TEDC1: variants seen among roughly 807,000 people sequenced by gnomAD.
TEDC1 encodes tubulin epsilon and delta complex 1.
TEDC1 carries 54 observed loss-of-function variants against 59.9 expected under a neutral mutation model. The observed-to-expected ratio is 0.90, with a 90% confidence interval of 0.72 to 1.13. The LOEUF is 1.13. TEDC1 is among the 50% of genes most tolerant of loss of function. The probability of loss-of-function intolerance (pLI) is 0.00; values close to 1 mark genes in which losing one functional copy is unlikely to be tolerated. For missense variants in TEDC1, 734 were observed against 683.4 expected, an observed-to-expected ratio of 1.07 and a Z score of -0.83; for synonymous variants, 353 against 298.1, an observed-to-expected ratio of 1.18 and a Z score of -1.90.
upstream of TEDC1, chr14:105,490,835 G>C (rs1555439065): frequency 1.1e-5 from 7 of 644,316 alleles, no homozygotes; most frequent in Non-Finnish European, 1.1e-5. Context: ...GGCGCCTTCC[G>C]GAGTCTGCGC....
chr14:105,492,876 C>G, intron 4 of TEDC1, 142 bp downstream of exon 4: 1 of 1,243,422 alleles, frequency 8.0e-7, no homozygotes, highest in Non-Finnish European at 1.1e-6. Context: ...TTACCCAAAG[C>G]CTGAGCCCGT....
rs1555439183 is a variant in TEDC1, at chr14:105,491,304, C to T, written c.-72C>T. On this transcript the variant is annotated 5_prime_UTR_variant, in exon 1 of 9. Coordinates refer to ENST00000392523, the MANE Select transcript of TEDC1 (RefSeq NM_001367178.1). ...CCCAGCCGCCGCACTAAACCCGGCC[C>T]GTGCGGTGATTGGACGCAGGCCCCG... 1.4e-5 allele frequency: 21 copies of T among 1,492,304 alleles called. No homozygotes were observed. The South Asian group carries it at 1.9e-4, about 14-fold the overall frequency. 92.4% of individuals were successfully genotyped at this position (1,492,304 alleles called of 1,614,324 possible).
Position 105,498,897 on chromosome 14 carries a change from T to G in TEDC1, c.1439T>G (p.Leu480Arg). Residue 480 changes from leucine to arginine, a missense_variant, in exon 9 of 9, where the codon CTG becomes CGG. By Grantham distance (102) the Leu-to-Arg change is moderately radical. Coordinates refer to ENST00000392523, the MANE Select transcript of TEDC1 (RefSeq NM_001367178.1). The part of the protein sequence containing the change: ...QGQCRQELAR[L>R]VGARPGLIWI... ...CAGTGTCGGCAGGAACTGGCCAGGC[T>G]GGTGGGAGCCCGCCCTGGTCTCATC... The G allele has an allele frequency of 6.2e-7, 1 of 1,611,538 alleles. No homozygotes were observed. The highest frequency in any genetic ancestry group is 8.5e-7 in the Non-Finnish European group (1 of 1,179,670).
chr14:105,499,042 CGATGCA>C lies in TEDC1; in HGVS notation c.*105_*110del, dbSNP rs1316736656. The stretch of plus-strand genomic sequence containing the variant: ...TTCCAAGGCCAGGTGGCCGCAGGGA[CGATGCA>C]GATGCAGAGCCCACGTCACATGCTC... On this transcript the variant is annotated 3_prime_UTR_variant, in exon 9 of 9. Coordinates refer to ENST00000392523, the MANE Select transcript of TEDC1 (RefSeq NM_001367178.1). The C allele has an allele frequency of 1.1e-5, 15 of 1,318,122 alleles. No homozygotes were observed. In the African/African-American group the frequency reaches 2.2e-4, roughly 19 times the overall value. The allele number at this position is 1,318,122 out of a possible 1,614,324, so 81.7% of individuals were successfully genotyped here. A position where few individuals can be genotyped will look rare whatever the true frequency, so the allele number is the denominator to read the frequency against.
chr14:105,491,006 C>T, upstream of TEDC1: 1 of 1,547,278 alleles, frequency 6.5e-7, no homozygotes, highest in Non-Finnish European at 8.7e-7. Context: ...GGAAGTGGGT[C>T]CGCACGAGAC....
At chr14:105,498,154 G>A (rs2084389908) in intron 8 of TEDC1, among the ~76,000 whole-genome samples, 177 bp downstream of exon 8, 1 of 152,236 alleles carries the variant, frequency 6.6e-6, no homozygotes, top group Admixed American at 6.5e-5. Flanking sequence ...AGCCGCAGCT[G>A]CTGCGAGACA....
intron 4 of TEDC1, among the ~76,000 whole-genome samples, chr14:105,493,593 G>A (rs1028090873): frequency 3.3e-5 from 5 of 152,244 alleles, no homozygotes; most frequent in Non-Finnish European, 1.5e-5. Flanking sequence ...AGCTGGGCGG[G>A]GTGGGGAGGC....
chr14:105,492,111 C>T lies in TEDC1; in HGVS notation c.231C>T (p.Val77=), dbSNP rs781900336. The change falls in exon 3 of 9, where the codon GTC becomes GTT. Residue 77 remains valine, a synonymous_variant. Coordinates refer to ENST00000392523, the MANE Select transcript of TEDC1 (RefSeq NM_001367178.1). ...GGTGGTGGTCTTCTGTCCTAGAGGT[C>T]CAAGCCCGCTTGGTGAAGTCAGCAC... The part of the protein sequence containing the change: ...GNALASLALE[V]QARLVKSALC... The T allele has an allele frequency of 6.2e-7, 1 of 1,602,000 alleles. No homozygotes were observed. The highest frequency in any genetic ancestry group is 1.1e-5 in the South Asian group (1 of 89,758).
Position 105,498,607 on chromosome 14 carries a change from T to C in TEDC1, c.1159-10T>C. On this transcript the variant is annotated splice_polypyrimidine_tract_variant and intron_variant, in intron 8 of 8. Coordinates refer to ENST00000392523, the MANE Select transcript of TEDC1 (RefSeq NM_001367178.1). ...GGGGGACAGAGCCATTGCCATTGTG[T>C]CCCACGCAGGCTGGAGGCTGTGGAC... The C allele has an allele frequency of 6.5e-7, 1 of 1,528,484 alleles. No individual in the cohort carries two copies. The highest frequency in any genetic ancestry group is 2.4e-5 in the East Asian group (1 of 40,864). The allele number at this position is 1,528,484 out of a possible 1,614,324, so 94.7% of individuals were successfully genotyped here.
chr14:105,495,602 TG>T, intron 5 of TEDC1: 1 of 404,508 alleles, frequency 2.5e-6, no homozygotes. Flanking sequence ...GCACTGGCGT[TG>T]GCAGTGCTGA....
chr14:105,498,748 A>T lies in TEDC1; in HGVS notation c.1290A>T (p.Pro430=), dbSNP rs1221935544. ...RDGGPAQPHG[P]HRLVRREDGA... is the part of the protein sequence containing the mutation. ...GTGGCCCGGCCCAGCCCCATGGGCCACACCGGCTGGTGAGACGAGAGGATG... is the reference window on the plus strand; with the variant it reads ...GTGGCCCGGCCCAGCCCCATGGGCCTCACCGGCTGGTGAGACGAGAGGATG... Residue 430 remains proline, a synonymous_variant, in exon 9 of 9, where the codon CCA becomes CCT. Coordinates refer to ENST00000392523, the MANE Select transcript of TEDC1 (RefSeq NM_001367178.1). 1 of 1,559,592 alleles carries T rather than the reference A, an allele frequency of 6.4e-7. No individual in the cohort carries two copies. The highest frequency in any genetic ancestry group is 8.7e-7 in the Non-Finnish European group (1 of 1,152,196).
intron 5 of TEDC1, chr14:105,494,887 T>C (rs1007750709): frequency 2.3e-5 from 3 of 132,200 alleles, no homozygotes; most frequent in Non-Finnish European, 5.2e-5. Context: ...ATTTATTTAT[T>C]TGAGACAGAG....
intron 8 of TEDC1, 48 bp downstream of exon 8, chr14:105,498,025 G>A (rs1304038826): frequency 1.4e-6 from 2 of 1,458,786 alleles, no homozygotes; most frequent in Non-Finnish European, 1.8e-6. Context: ...CACCTTCGGG[G>A]GATGGCTGAC....
At chr14:105,493,724 C>T in intron 4 of TEDC1, 111 bp from the exon 5 acceptor site, 1 of 742,320 alleles carries the variant, frequency 1.3e-6, no homozygotes, top group Non-Finnish European at 2.3e-6. Flanking sequence ...GCCCTCTTTC[C>T]TCATCTGGGA....
intron 3 of TEDC1, 25 bp downstream of exon 3, chr14:105,492,334 A>T (rs1555439629): frequency 6.3e-7 from 1 of 1,596,958 alleles, no homozygotes; most frequent in Non-Finnish European, 8.5e-7. Context: ...GGGTGAGCTG[A>T]GCCAGCCCTG....
At chr14:105,497,122 TG>T (rs1338154679) in intron 6 of TEDC1, 4 of 593,918 alleles carry the variant, frequency 6.7e-6, no homozygotes, top group East Asian at 2.9e-5. Context: ...GTGCACTGGT[TG>T]GGGGCTGCCC....
intron 7 of TEDC1, 93 bp from the exon 8 acceptor site, chr14:105,497,705 C>T: frequency 1.4e-6 from 2 of 1,413,226 alleles, no homozygotes; most frequent in East Asian, 2.5e-5. Context: ...ATCCAGCCCG[C>T]TGTGGGACCT....
At chr14:105,492,517 C>G in intron 3 of TEDC1, 62 bp from the exon 4 acceptor site, 1 of 1,512,608 alleles carries the variant, frequency 6.6e-7, no homozygotes. Context: ...CCGTCTCCAT[C>G]CTGGCCTTTT....
intron 4 of TEDC1, among the ~76,000 whole-genome samples, chr14:105,492,946 T>C (rs1316624367): frequency 6.6e-6 from 1 of 151,832 alleles, no homozygotes; most frequent in African/African-American, 2.4e-5. Context: ...GGGTGGGCAA[T>C]GGTGGGCAGA....
Sources: allele counts gnomAD v4.1 joint callset (sites outside exome capture counted in the v4.1 genomes callset), GRCh38; gene constraint gnomAD v4.1.1; transcripts MANE v1.5; gene names NCBI Gene and HGNC (gene_info 2026-07-23, HGNC 2026-07-21).